The following UIMC1 variants were observed in gnomAD, a reference collection of about 807,000 sequenced individuals.
The protein encoded by UIMC1 is BRCA1-A complex subunit RAP80.
UIMC1 carries 42 observed loss-of-function variants against 84.9 expected under a neutral mutation model. The ratio of observed to expected loss-of-function variants is 0.49; its 90% confidence interval spans 0.39 to 0.64. The LOEUF is 0.64. Ranked by LOEUF, UIMC1 falls within the 30% of genes least tolerant of loss-of-function variation. The probability of loss-of-function intolerance (pLI) is 0.00; values close to 1 mark genes in which losing one functional copy is unlikely to be tolerated. For synonymous variants in UIMC1, 281 were observed against 293.0 expected, an observed-to-expected ratio of 0.96 and a Z score of 0.42; for missense variants, 825 against 847.6, an observed-to-expected ratio of 0.97 and a Z score of 0.33.
At chr5:176,970,519 A>G (rs1476767398) in intron 4 of UIMC1, 6 of 595,688 alleles carry the variant, frequency 1.0e-5, no homozygotes, top group Admixed American at 3.0e-5. Flanking sequence ...GAACTAAAAA[A>G]TCCATGGGGT....
intron 6 of UIMC1, among the ~76,000 whole-genome samples, chr5:176,959,017 G>A (rs1383881144): frequency 6.6e-6 from 1 of 152,128 alleles, no homozygotes; most frequent in Non-Finnish European, 1.5e-5. Flanking sequence ...AAACAAGTTA[G>A]GCATCTCTTT....
chr5:177,020,271 G>T (rs1054024952), intron 1 of UIMC1, among the ~76,000 whole-genome samples: 1 of 151,844 alleles, frequency 6.6e-6, no homozygotes, highest in East Asian at 1.9e-4. Flanking sequence ...GAACACTCTT[G>T]CCCAGCTCTT....
At chr5:176,910,196 G>A (rs751224657) in intron 11 of UIMC1, among the ~76,000 whole-genome samples, 247 of 152,304 alleles carry the variant, frequency 1.6e-3, no homozygotes, top group African/African-American at 5.7e-3. Context: ...CTACATTACA[G>A]TAAGATTCCA....
intron 11 of UIMC1, 151 bp from the exon 12 acceptor site, chr5:176,908,845 C>A: frequency 1.3e-6 from 1 of 758,434 alleles, no homozygotes; most frequent in Non-Finnish European, 2.1e-6. Flanking sequence ...AGCAGGATCA[C>A]CAATAAAACT....
intron 10 of UIMC1, among the ~76,000 whole-genome samples, chr5:176,933,750 G>A (rs1308411080): frequency 2.0e-5 from 3 of 151,764 alleles, no homozygotes; most frequent in African/African-American, 7.3e-5. Flanking sequence ...TGCTCAGGCT[G>A]GTCTTGAACT....
At chr5:176,912,379 C>T (rs947007375) in intron 10 of UIMC1, among the ~76,000 whole-genome samples, 7 of 152,226 alleles carry the variant, frequency 4.6e-5, no homozygotes, top group African/African-American at 9.6e-5. Flanking sequence ...GGCTGGCCAC[C>T]GTTTGCCTAA....
At chr5:176,972,756 A>T (rs554923789) in intron 3 of UIMC1, among the ~76,000 whole-genome samples, 1 of 152,180 alleles carries the variant, frequency 6.6e-6, no homozygotes, top group East Asian at 1.9e-4. Flanking sequence ...AAAATTAAAA[A>T]ATTAAAATGC....
chr5:176,927,764 C>CA (rs531137158), intron 10 of UIMC1, among the ~76,000 whole-genome samples: 39 of 142,524 alleles, frequency 2.7e-4, no homozygotes, highest in African/African-American at 7.5e-4. Context: ...TGGCCTGTTT[C>CA]AAAAAAAAAC....
intron 3 of UIMC1, among the ~76,000 whole-genome samples, chr5:176,972,544 TGGCCTACATGGTGAAAC>T (rs1769409128): frequency 6.6e-6 from 1 of 152,068 alleles, no homozygotes; most frequent in Non-Finnish European, 1.5e-5. Context: ...GAGACCAGCC[TGGCCTACATGGTGAAAC>T]CTCATCTCTA....
intron 10 of UIMC1, among the ~76,000 whole-genome samples, chr5:176,935,921 C>G (rs1281916933): frequency 6.6e-6 from 1 of 152,176 alleles, no homozygotes; most frequent in Non-Finnish European, 1.5e-5. Context: ...AGAAAGTCCA[C>G]TCCTAGCAGT....
chr5:176,941,652 G>C (rs1007566041), intron 10 of UIMC1, among the ~76,000 whole-genome samples: 2 of 152,094 alleles, frequency 1.3e-5, no homozygotes, highest in African/African-American at 4.8e-5. Flanking sequence ...GCACTGAGAA[G>C]AACACTGCAA....
intron 8 of UIMC1, among the ~76,000 whole-genome samples, chr5:176,951,920 T>C (rs1003618102): frequency 6.6e-6 from 1 of 152,214 alleles, no homozygotes; most frequent in Non-Finnish European, 1.5e-5. Context: ...TCCTACCTCT[T>C]TGGTCACTGC....
chr5:177,021,890 A>G (rs1231175221), intron 1 of UIMC1, among the ~76,000 whole-genome samples: 2 of 151,954 alleles, frequency 1.3e-5, no homozygotes, highest in African/African-American at 4.8e-5. Context: ...ACCTCAGGTG[A>G]TCCGCCCCCC....
In UIMC1 at chr5:176,986,359, CAAAAAAAAA is replaced by C. The variant is rs71583560; in HGVS notation, c.-8-3745_-8-3737del. ...TGGGTGCCAGAGTAAGACTTCATCT[CAAAAAAAAA>C]AAAAAAAAAAAAAAAAAAAGTAAGG... On this transcript the variant is annotated intron_variant, in intron 1 of 14. Coordinates refer to ENST00000511320, the MANE Select transcript of UIMC1 (RefSeq NM_001199298.2). Among the ~76,000 whole-genome samples, 27 of 28,010 alleles carry C rather than the reference CAAAAAAAAA, an allele frequency of 9.6e-4. 1 individual carries two copies. In the South Asian group the frequency reaches 0.013, roughly 13 times the overall value. The allele number at this position is 28,010 out of a possible 152,430, so 18.4% of individuals were successfully genotyped here. A position where few individuals can be genotyped will look rare whatever the true frequency, so the allele number is the denominator to read the frequency against.
exon 1 of UIMC1, chr5:177,022,514 G>A (rs1315302170): frequency 2.1e-6 from 1 of 474,270 alleles, no homozygotes; most frequent in Non-Finnish European, 3.7e-6. Flanking sequence ...CTCTCCGGGA[G>A]GGGGGGGTCA....
chr5:176,922,888 T>C (rs1026957376), intron 10 of UIMC1, among the ~76,000 whole-genome samples: 29 of 152,350 alleles, frequency 1.9e-4, no homozygotes, highest in African/African-American at 6.3e-4. Flanking sequence ...AGAACAGGCT[T>C]ATCTCTAAGC....
Position 176,969,023 on chromosome 5 carries a change from G to C in UIMC1, c.732C>G (p.Leu244=), listed in dbSNP as rs1442662712. ...QESTGRGSAF[L]KAVQGSGDTS... Reference sequence around the variant, plus strand: ...TGTCCCCGCTACCCTGGACAGCTTTGAGAAAAGCAGAACCCCTCCCAGTAC... The same window carrying C: ...TGTCCCCGCTACCCTGGACAGCTTTCAGAAAAGCAGAACCCCTCCCAGTAC... The change falls in exon 6 of 15, where the codon CTC becomes CTG. Residue 244 remains leucine, a synonymous_variant. Coordinates refer to ENST00000511320, the MANE Select transcript of UIMC1 (RefSeq NM_001199298.2). 42 of 1,614,108 alleles carry C rather than the reference G, an allele frequency of 2.6e-5. No individual in the cohort carries two copies. In the East Asian group the frequency reaches 9.4e-4, roughly 36 times the overall value.
intron 1 of UIMC1, among the ~76,000 whole-genome samples, chr5:176,984,854 A>G (rs1047084200): frequency 1.3e-5 from 2 of 152,226 alleles, no homozygotes; most frequent in Non-Finnish European, 2.9e-5. Context: ...GATTAAGGGC[A>G]GTGCAAGATG....
chr5:176,967,839 G>A (rs1298425882), intron 6 of UIMC1, among the ~76,000 whole-genome samples: 1 of 151,740 alleles, frequency 6.6e-6, no homozygotes, highest in African/African-American at 2.4e-5. Flanking sequence ...AGAGGTGGAG[G>A]CTGCAGGGAC....
Sources: gnomAD v4.1 joint callset for allele counts (sites outside exome capture counted in the v4.1 genomes callset) on GRCh38, gnomAD v4.1.1 for gene constraint, MANE v1.5 for transcripts, NCBI Gene and HGNC (gene_info 2026-07-23, HGNC 2026-07-21) for gene names.